Variants in CEMIP observed in about 807,000 individuals in gnomAD.
The protein encoded by CEMIP is cell migration inducing hyaluronidase 1.
A neutral mutation model predicts 156.9 loss-of-function variants in CEMIP; 105 were observed. The ratio of observed to expected loss-of-function variants is 0.67; its 90% CI spans 0.57 to 0.79. The LOEUF is 0.79. Among genes scored for constraint, CEMIP ranks in the 30% least tolerant of loss-of-function variants. The pLI is 0.00. For missense variants in CEMIP, 1,457 were observed against 1,769.4 expected (o/e 0.82, Z 3.17); for synonymous variants, 676 against 668.4 (o/e 1.01, Z -0.17).
At chr15:80,791,509 T>A (rs961470758) in intron 1 of CEMIP, among the ~76,000 whole-genome samples, 1 of 152,102 alleles carries the variant, frequency 6.6e-6, no homozygotes. Context: ...TCAGGGACAT[T>A]TCAGGGGTCT....
At chr15:80,915,799 T>C (rs184043008) in intron 14 of CEMIP, among the ~76,000 whole-genome samples, 137 of 152,042 alleles carry the variant, frequency 9.0e-4, no homozygotes, top group African/African-American at 3.2e-3. Context: ...GTCCGGGTTT[T>C]TTTCTTCCAC....
chr15:80,790,630 C>T (rs1412159839), intron 1 of CEMIP, among the ~76,000 whole-genome samples: 3 of 152,252 alleles, frequency 2.0e-5, no homozygotes, highest in South Asian at 4.1e-4. Context: ...CCTATGTCAC[C>T]GTGAGTCCAA....
At chr15:80,870,513 CCT>C (rs990729436) in intron 1 of CEMIP, among the ~76,000 whole-genome samples, 3 of 152,168 alleles carry the variant, frequency 2.0e-5, no homozygotes, top group Non-Finnish European at 2.9e-5. Context: ...CTCCTCTTCC[CCT>C]GTCTCCCCTT....
At chr15:80,800,229 C>A (rs930691303) in intron 1 of CEMIP, among the ~76,000 whole-genome samples, 2 of 152,036 alleles carry the variant, frequency 1.3e-5, no homozygotes, top group Non-Finnish European at 2.9e-5. Context: ...ACCTCACCAT[C>A]CTCTGGGTTT....
At chr15:80,900,605 T>TG (rs1244817739) in intron 12 of CEMIP, among the ~76,000 whole-genome samples, 18 of 135,420 alleles carry the variant, frequency 1.3e-4, no homozygotes, top group Admixed American at 5.2e-4. Flanking sequence ...TGTGTGTGTG[T>TG]GTGTGTGTGT....
Position 80,949,709 on chromosome 15 carries a change from G to A in CEMIP, c.*785G>A, listed in dbSNP as rs1901735101. ...AGCTTGAGGGGTCTGCAGTCCAGTA[G>A]GGCAGGCAGTCAGGTCCATGTGCAC... On this transcript the variant is annotated 3_prime_UTR_variant, in exon 30 of 30. Coordinates refer to ENST00000394685, the MANE Select transcript of CEMIP (RefSeq NM_001293298.2). 6.5e-6 allele frequency: 1 copy of A among 153,342 alleles called. No homozygotes were observed. The highest frequency in any genetic ancestry group is 6.5e-5 in the Admixed American group (1 of 15,416). 9.5% of individuals were successfully genotyped at this position (153,342 alleles called of 1,614,324 possible).
chr15:80,934,300 ATGAAT>A (rs1901033636), intron 23 of CEMIP, among the ~76,000 whole-genome samples: 1 of 152,250 alleles, frequency 6.6e-6, no homozygotes, highest in Non-Finnish European at 1.5e-5. Flanking sequence ...TGAAATTTAA[ATGAAT>A]TGAAGTTTAA....
chr15:80,874,990 T>C (rs1898422181), intron 3 of CEMIP, among the ~76,000 whole-genome samples: 1 of 151,334 alleles, frequency 6.6e-6, no homozygotes, highest in Non-Finnish European at 1.5e-5. Flanking sequence ...TTGAAGAATC[T>C]TTCTGATCCT....
At position 80,933,247 on chromosome 15, in the gene CEMIP, T is replaced by C. The variant is rs1417799614; in HGVS notation, c.2796T>C (p.Ile932=). The C allele has an allele frequency of 1.9e-6, 3 of 1,614,020 alleles. No homozygotes were observed. Among genetic ancestry groups the C allele is most frequent in the Non-Finnish European group, 2.5e-6 (3 of 1,179,842 alleles). Residue 932 remains isoleucine, a splice_region_variant and synonymous_variant, in exon 23 of 30, where the codon ATT becomes ATC. Transcript: ENST00000394685. ...VTGIAFEDVP[I]TSRVFFGEPG... Reference sequence around the variant, plus strand: ...TAACTTTCCTGGGCTCTGTTTAGATTACTTCCAGAGTGTTCTTCGGAGAGC... The same window carrying C: ...TAACTTTCCTGGGCTCTGTTTAGATCACTTCCAGAGTGTTCTTCGGAGAGC...
chr15:80,804,825 C>A (rs1896470698), intron 1 of CEMIP, among the ~76,000 whole-genome samples: 1 of 152,098 alleles, frequency 6.6e-6, no homozygotes, highest in African/African-American at 2.4e-5. Flanking sequence ...AGTACTTGAA[C>A]TAGGGGACAA....
At position 80,949,191 on chromosome 15, in the gene CEMIP, T is replaced by TATC. The variant is rs1455677764; in HGVS notation, c.*268_*270dup. ...TGCAGCCTCTTGGGTGCTTCTCTCCTATCTGTGCCTCTTCAGTGGGGGTTT... is the reference window on the plus strand; with the variant it reads ...TGCAGCCTCTTGGGTGCTTCTCTCCTATCATCTGTGCCTCTTCAGTGGGGGTTT... On this transcript the variant is annotated 3_prime_UTR_variant, in exon 30 of 30. Coordinates refer to ENST00000394685, the MANE Select transcript of CEMIP (RefSeq NM_001293298.2). The TATC allele has an allele frequency of 2.0e-6, 1 of 499,824 alleles. No individual in the cohort carries two copies. Among genetic ancestry groups the TATC allele is most frequent in the East Asian group, 3.9e-5 (1 of 25,848 alleles). 31.0% of individuals were successfully genotyped at this position (499,824 alleles called of 1,614,324 possible). A position where few individuals can be genotyped will look rare whatever the true frequency, so the allele number is the denominator to read the frequency against.
chr15:80,884,852 C>T (rs1898782470), intron 7 of CEMIP, among the ~76,000 whole-genome samples: 1 of 152,214 alleles, frequency 6.6e-6, no homozygotes, highest in African/African-American at 2.4e-5. Flanking sequence ...CATTGGCATG[C>T]ACACACATTG....
At chr15:80,948,738 G>C in intron 29 of CEMIP, 59 bp from the exon 30 acceptor site, 1 of 1,611,886 alleles carries the variant, frequency 6.2e-7, no homozygotes, top group Non-Finnish European at 8.5e-7. Context: ...CATGGAACGG[G>C]GTGGGGCAGC....
intron 1 of CEMIP, among the ~76,000 whole-genome samples, chr15:80,835,081 CAGAGAGAGAG>C (rs36062989): frequency 1.3e-5 from 2 of 150,652 alleles, no homozygotes; most frequent in African/African-American, 4.9e-5. Flanking sequence ...GTCCTCATTG[CAGAGAGAGAG>C]AGAGAGAGAG....
intron 1 of CEMIP, among the ~76,000 whole-genome samples, chr15:80,806,698 T>C (rs1422157365): frequency 1.3e-5 from 2 of 152,244 alleles, no homozygotes; most frequent in Non-Finnish European, 2.9e-5. Context: ...AACTAGATTA[T>C]AAGCTCCAGA....
rs1447736592 is a variant in CEMIP, at chr15:80,925,666, G to A, written c.2331G>A (p.Glu777=). 9.3e-6 allele frequency: 15 copies of A among 1,613,590 alleles called. No homozygotes were observed. Among genetic ancestry groups the A allele is most frequent in the Non-Finnish European group, 1.3e-5 (15 of 1,180,002 alleles). Reference sequence around the variant, plus strand: ...ACGCCGACCCGCTGAAGCCCCGGGAGCCGGCCATCATCAGACACTTCATTG... The same window carrying A: ...ACGCCGACCCGCTGAAGCCCCGGGAACCGGCCATCATCAGACACTTCATTG... ...HQDADPLKPR[E]PAIIRHFIAY... Residue 777 remains glutamate, a synonymous_variant, in exon 19 of 30, where the codon GAG becomes GAA. Transcript: ENST00000394685.
chr15:80,884,175 G>A lies in CEMIP; in HGVS notation c.618G>A (p.Arg206=), dbSNP rs1435312323. The part of the protein sequence containing the change: ...PKSGTVIHSD[R]FDTYRSKKES... ...GATCTCTTCTCTCTGCCCTTTTTAG[G>A]TTTGACACCTATAGATCCAAGAAAG... Residue 206 remains arginine, a splice_region_variant and synonymous_variant, in exon 7 of 30, where the codon CGG becomes CGA. Transcript: ENST00000394685. 1 of 1,613,924 alleles carries A rather than the reference G, an allele frequency of 6.2e-7. No individual in the cohort carries two copies. The highest frequency in any genetic ancestry group is 1.3e-5 in the African/African-American group (1 of 74,898).
chr15:80,823,606 C>T (rs937803403), intron 1 of CEMIP, among the ~76,000 whole-genome samples: 1 of 152,178 alleles, frequency 6.6e-6, no homozygotes, highest in Non-Finnish European at 1.5e-5. Flanking sequence ...TTGGGGTCTC[C>T]TGTCCTGAGA....
intron 7 of CEMIP, among the ~76,000 whole-genome samples, chr15:80,887,423 C>A (rs1219252904): frequency 6.6e-6 from 1 of 152,190 alleles, no homozygotes; most frequent in Non-Finnish European, 1.5e-5. Flanking sequence ...GTGATTCATG[C>A]TCCCATCTTC....
Sources: allele counts gnomAD v4.1 joint callset (sites outside exome capture counted in the v4.1 genomes callset), GRCh38; gene constraint gnomAD v4.1.1; transcripts MANE v1.5; gene names NCBI Gene and HGNC (gene_info 2026-07-23, HGNC 2026-07-21).